Variants in ATRX observed in about 807,000 individuals in gnomAD.
The protein encoded by ATRX is ATRX chromatin remodeler.
ATRX carries 12 observed loss-of-function variants against 172.6 expected under a neutral mutation model. That is an observed-to-expected ratio of 0.07 (90% CI 0.04 to 0.11). The LOEUF is 0.11. Ranked by LOEUF, ATRX falls within the 10% of genes least tolerant of loss-of-function variation. The pLI, the probability that ATRX is intolerant of heterozygous loss-of-function variation, is 1.00. For synonymous variants in ATRX, 674 were observed against 594.7 expected (o/e 1.13, Z -1.94); for missense variants, 1,368 against 1,767.4 (o/e 0.77, Z 4.05).
At chrX:77,689,046 G>T in intron 6 of ATRX, 119 bp from the exon 7 acceptor site, 1 of 572,975 alleles carries the variant, frequency 1.7e-6, no homozygotes, top group South Asian at 2.4e-5. Context: ...TTAGAAAAAT[G>T]GCATATTGGA....
chrX:77,762,137 C>CA (rs1412608745), intron 1 of ATRX, among the ~76,000 whole-genome samples: 1 of 108,618 alleles, frequency 9.2e-6, no homozygotes, highest in East Asian at 2.9e-4. Context: ...CCCATCTCTA[C>CA]AAAAAATACA....
intron 12 of ATRX, among the ~76,000 whole-genome samples, chrX:77,658,184 C>A (rs1557120756): frequency 8.9e-6 from 1 of 111,853 alleles, no homozygotes; most frequent in Non-Finnish European, 1.9e-5. Context: ...GTACTCCAGC[C>A]TGGGCAACAG....
intron 10 of ATRX, among the ~76,000 whole-genome samples, chrX:77,669,310 CTTT>C (rs377754260): frequency 2.9e-5 from 3 of 103,046 alleles, no homozygotes; most frequent in African/African-American, 3.5e-5. Context: ...CAGATGATGC[CTTT>C]TTTTTTTTTT....
chrX:77,663,275 G>C (rs1478012226), intron 12 of ATRX, 107 bp downstream of exon 12: 7 of 919,303 alleles, frequency 7.6e-6, no homozygotes, highest in Non-Finnish European at 1.1e-5. Context: ...TTAAACTCCT[G>C]GGCTCAAGCA....
intron 1 of ATRX, among the ~76,000 whole-genome samples, chrX:77,776,001 G>A (rs1025138314): frequency 3.6e-5 from 4 of 111,285 alleles, no homozygotes; most frequent in Non-Finnish European, 5.7e-5. Flanking sequence ...CAAAGTGGTG[G>A]GATTACAGGC....
intron 30 of ATRX, among the ~76,000 whole-genome samples, chrX:77,525,099 A>C (rs1557043203): frequency 1.8e-5 from 2 of 112,198 alleles, no homozygotes; most frequent in African/African-American, 6.5e-5. Context: ...AGACCATACA[A>C]ATGACAGGAC....
At position 77,652,345 on chromosome X, in the gene ATRX, A is replaced by G. The variant is rs2148440594; in HGVS notation, c.4326T>C (p.Ser1442=). The G allele has an allele frequency of 8.3e-7, 1 of 1,203,713 alleles. No homozygotes were observed. The highest frequency in any genetic ancestry group is 1.1e-6 in the Non-Finnish European group (1 of 891,321). The stretch of plus-strand genomic sequence containing the variant: ...CTTCTTTTTCCTCCTCTTCTTCCTC[A>G]GAATTACTCTACAGAATTTAAACAA... The part of the protein sequence containing the change: ...EDSSSENKSN[S]EEEEEEKEEE... The change falls in exon 15 of 35, where the codon TCT becomes TCC. Residue 1442 remains serine (S), a synonymous_variant. Transcript: ENST00000373344.
chrX:77,610,540 T>A (rs782328216), intron 22 of ATRX, among the ~76,000 whole-genome samples: 1 of 111,467 alleles, frequency 9.0e-6, no homozygotes, highest in African/African-American at 3.3e-5. Context: ...TAGAGCCAAT[T>A]TGAAGAGGTA....
At chrX:77,608,449 C>T (rs1051183851) in intron 22 of ATRX, among the ~76,000 whole-genome samples, 9 of 109,570 alleles carry the variant, frequency 8.2e-5, no homozygotes, top group African/African-American at 2.7e-4. Flanking sequence ...CTACAGTGAA[C>T]GCATACTCTA....
chrX:77,543,728 T>C (rs782174190), intron 30 of ATRX, among the ~76,000 whole-genome samples: 1 of 109,694 alleles, frequency 9.1e-6, no homozygotes, highest in East Asian at 2.9e-4. Context: ...AAACACCACA[T>C]GTTCTCGCTC....
rs782559189 is a variant in ATRX, at chrX:77,526,901, C to A, written c.6700-3500G>T. 8.0e-5 allele frequency among the ~76,000 whole-genome samples: 9 copies of A among 112,496 alleles called. No individual in the cohort carries two copies. The East Asian group carries it at 1.4e-3, about 17-fold the overall frequency. ...AGGTCAGGTTATGGTGAAGGTTCAG[C>A]CTCTAATGATGCAATAACTTTCCTT... On this transcript the variant is annotated intron_variant, in intron 30 of 34. Coordinates refer to ENST00000373344, the MANE Select transcript of ATRX (RefSeq NM_000489.6).
rs587780285 is a variant in ATRX at position 77,681,861 on chromosome X, A to T, written c.3395T>A (p.Ile1132Lys). The T allele has an allele frequency of 1.0e-5, 12 of 1,203,800 alleles. No individual in the cohort carries two copies. The East Asian group carries it at 3.6e-4, about 36-fold the overall frequency. ...TAAATTTCTTCTTTCCCTCAATTCTATTCTTTTCAGTCTCTTATCAGAAGA... is the reference window on the plus strand; with the variant it reads ...TAAATTTCTTCTTTCCCTCAATTCTTTTCTTTTCAGTCTCTTATCAGAAGA... ...CNSSDKRLKR[I>K]ELRERRNLSS... The change falls in exon 9 of 35, where the codon ATA becomes AAA. Residue 1132 changes from isoleucine (I) to lysine (K), a missense_variant. By Grantham distance (102) the Ile-to-Lys change is moderately radical. Around this residue, in one of 17 missense-constraint regions of ATRX, gnomAD observed 843 missense variants for 643.1 expected, o/e 1.31. Transcript: ENST00000373344.
At chrX:77,593,420 C>T (rs782201812) in intron 26 of ATRX, among the ~76,000 whole-genome samples, 8 of 110,651 alleles carry the variant, frequency 7.2e-5, no homozygotes, top group Non-Finnish European at 1.3e-4. Flanking sequence ...GATGGAGAAA[C>T]ACAAATTTCA....
chrX:77,695,496 A>G (rs1357254236), intron 5 of ATRX, among the ~76,000 whole-genome samples: 1 of 111,304 alleles, frequency 9.0e-6, no homozygotes, highest in Non-Finnish European at 1.9e-5. Context: ...CTTACATCAT[A>G]AACACTCCCA....
At chrX:77,772,184 G>T (rs1410145903) in intron 1 of ATRX, among the ~76,000 whole-genome samples, 1 of 108,816 alleles carries the variant, frequency 9.2e-6, no homozygotes, top group Non-Finnish European at 1.9e-5. Flanking sequence ...TGTAGTCCCG[G>T]CTACTCAGGA....
chrX:77,692,883 G>A (rs2071980311), intron 6 of ATRX, among the ~76,000 whole-genome samples: 1 of 107,484 alleles, frequency 9.3e-6, no homozygotes, highest in Non-Finnish European at 1.9e-5. Flanking sequence ...GTGTGTGTGT[G>A]TGTGTGTGTT....
intron 22 of ATRX, among the ~76,000 whole-genome samples, chrX:77,600,942 G>A (rs2066649963): frequency 9.0e-6 from 1 of 111,426 alleles, no homozygotes; most frequent in Non-Finnish European, 1.9e-5. Flanking sequence ...ACAAAGTCAT[G>A]GTTATCACTA....
At chrX:77,776,582 G>T (rs1052779458) in intron 1 of ATRX, among the ~76,000 whole-genome samples, 1 of 111,863 alleles carries the variant, frequency 8.9e-6, no homozygotes, top group East Asian at 2.8e-4. Flanking sequence ...TTAAAACAAA[G>T]AAACCAAAGA....
At chrX:77,674,727 T>C (rs1557132569) in intron 10 of ATRX, 1 of 111,082 alleles carries the variant, frequency 9.0e-6, no homozygotes, top group African/African-American at 3.3e-5. Context: ...TCATGATGTA[T>C]AGAAAATCAA....
Sources: allele counts gnomAD v4.1 joint callset (sites outside exome capture counted in the v4.1 genomes callset), GRCh38; gene constraint gnomAD v4.1.1; regional missense constraint gnomAD v4.1.1; transcripts MANE v1.5; gene names NCBI Gene and HGNC (gene_info 2026-07-23, HGNC 2026-07-21).